The following SVEP1 variants were observed in gnomAD, a reference collection of about 807,000 sequenced individuals.
The protein encoded by SVEP1 is sushi, von Willebrand factor type A, EGF and pentraxin domain containing 1, also known as sushi, von Willebrand factor type A, EGF and pentraxin domain-containing protein 1.
SVEP1 carries 164 observed loss-of-function variants against 367.3 expected under a neutral mutation model. That is an observed-to-expected ratio of 0.45 (90% CI 0.39 to 0.51). SVEP1 has a LOEUF of 0.51. SVEP1 is among the 20% of genes least tolerant of loss of function. The pLI is 0.00. For synonymous variants in SVEP1, 1,666 were observed against 1,611.6 expected, an observed-to-expected ratio of 1.03 and a Z score of -0.81; for missense variants, 4,117 against 4,425.3, an observed-to-expected ratio of 0.93 and a Z score of 1.98.
At chr9:110,454,713 A>T (rs1828750638) in intron 22 of SVEP1, among the ~76,000 whole-genome samples, 1 of 152,240 alleles carries the variant, frequency 6.6e-6, no homozygotes, top group Non-Finnish European at 1.5e-5. Flanking sequence ...CAGGAACAGA[A>T]AGCCAAATAC....
chr9:110,442,954 T>G (rs1387433376), intron 27 of SVEP1: 1 of 152,182 alleles, frequency 6.6e-6, no homozygotes, highest in African/African-American at 2.4e-5. Context: ...TTAATTTTCT[T>G]TTAGTATACC....
At chr9:110,423,049 A>C (rs911978170) in intron 36 of SVEP1, among the ~76,000 whole-genome samples, 28 of 138,294 alleles carry the variant, frequency 2.0e-4, no homozygotes, top group African/African-American at 7.8e-4. Context: ...GCAGCGCACC[A>C]GCATGGCACA....
At chr9:110,397,047 G>A (rs145327269) in intron 40 of SVEP1, among the ~76,000 whole-genome samples, 18,093 of 151,172 alleles carry the variant, frequency 0.12, 1,121 homozygotes, top group African/African-American at 0.13. Context: ...CCAAAAAAGA[G>A]AATTTTAGAT....
In SVEP1 at chr9:110,482,342, G is replaced by A. The variant is rs1421205784; in HGVS notation, c.2170+19C>T. 1.2e-6 allele frequency: 2 copies of A among 1,604,776 alleles called. No homozygotes were observed. The highest frequency in any genetic ancestry group is 1.7e-5 in the Admixed American group (1 of 59,094). Reference sequence around the variant, plus strand: ...TGTCAAATGTCAACTAGAATTCTGGGGACTTATGAAGACAATACCTTTTAT... The same window carrying A: ...TGTCAAATGTCAACTAGAATTCTGGAGACTTATGAAGACAATACCTTTTAT... On this transcript the variant is annotated intron_variant, in intron 11 of 47. Transcript: ENST00000374469.
chr9:110,390,446 T>G (rs4427242), intron 40 of SVEP1, among the ~76,000 whole-genome samples: 56,706 of 143,798 alleles, frequency 0.39, 11,582 homozygotes, highest in East Asian at 0.49. Flanking sequence ...AACACTTAGG[T>G]TGACTCCATA....
intron 36 of SVEP1, among the ~76,000 whole-genome samples, 172 bp from the exon 37 acceptor site, chr9:110,411,907 T>C (rs1828050350): frequency 6.6e-6 from 1 of 152,258 alleles, no homozygotes; most frequent in African/African-American, 2.4e-5. Context: ...ACTTGAGATA[T>C]GTCAATACAT....
In SVEP1 at chr9:110,406,223, G is replaced by A. The variant is rs376942718; in HGVS notation, c.9377C>T (p.Pro3126Leu). ...VCEPLSCGSP[P>L]SVANAVATGE... The stretch of plus-strand genomic sequence containing the variant: ...AGTTGCCACTGCATTGGCGACAGAC[G>A]GTGGGGACCCACAGGACAAGGGCTC... The change falls in exon 38 of 48, where the codon CCG becomes CTG. Residue 3126 changes from proline (P) to leucine (L), a missense_variant. Physicochemically the swap from Pro to Leu is moderately conservative, Grantham distance 98. Around this residue, in one of 4 missense-constraint regions of SVEP1, gnomAD observed 1,765 missense variants for 1,781.1 expected, o/e 0.99. Coordinates refer to ENST00000374469, the MANE Select transcript of SVEP1 (RefSeq NM_153366.4). The A allele has an allele frequency of 2.5e-5, 40 of 1,611,126 alleles. No homozygotes were observed. Among genetic ancestry groups the A allele is most frequent in the Middle Eastern group, 1.6e-4 (1 of 6,062 alleles).
chr9:110,570,969 CCTTTT>C (rs1830555215), intron 1 of SVEP1, among the ~76,000 whole-genome samples: 1 of 135,330 alleles, frequency 7.4e-6, no homozygotes, highest in Non-Finnish European at 1.6e-5. Context: ...CCAGATGGCT[CCTTTT>C]TTTTTTTTTT....
chr9:110,458,808 CA>C, intron 19 of SVEP1, 143 bp downstream of exon 19: 1 of 1,071,664 alleles, frequency 9.3e-7, no homozygotes, highest in Non-Finnish European at 1.3e-6. Flanking sequence ...TCATGGTCAT[CA>C]AAAATACCTC....
At chr9:110,389,049 C>T (rs906737605) in intron 41 of SVEP1, among the ~76,000 whole-genome samples, 12 of 152,146 alleles carry the variant, frequency 7.9e-5, no homozygotes, top group African/African-American at 2.9e-4. Context: ...AAGTTATGTG[C>T]ATTAACCCAC....
intron 3 of SVEP1, among the ~76,000 whole-genome samples, chr9:110,544,064 G>A (rs1398053442): frequency 6.6e-6 from 1 of 151,970 alleles, no homozygotes; most frequent in Non-Finnish European, 1.5e-5. Flanking sequence ...ATCAAGGCCA[G>A]AGGAAGCAGG....
intron 3 of SVEP1, among the ~76,000 whole-genome samples, chr9:110,528,074 G>GTATATATA (rs35705480): frequency 7.4e-6 from 1 of 135,978 alleles, no homozygotes; most frequent in African/African-American, 2.7e-5. Context: ...CATGGTGTAT[G>GTATATATA]TATATATATA....
chr9:110,538,525 G>A (rs1394137015), intron 3 of SVEP1, among the ~76,000 whole-genome samples: 7 of 152,172 alleles, frequency 4.6e-5, no homozygotes, highest in Non-Finnish European at 1.0e-4. Flanking sequence ...GTGCAGGGTA[G>A]GAGTGGAGAT....
At chr9:110,399,137 T>C (rs140270918) in intron 40 of SVEP1, among the ~76,000 whole-genome samples, 8,967 of 152,084 alleles carry the variant, frequency 0.059, 358 homozygotes, top group African/African-American at 0.11. Flanking sequence ...AAATGTGGCA[T>C]ATATACACCA....
At chr9:110,534,861 T>C (rs1273139144) in intron 3 of SVEP1, among the ~76,000 whole-genome samples, 1 of 152,124 alleles carries the variant, frequency 6.6e-6, no homozygotes, top group East Asian at 1.9e-4. Flanking sequence ...CATGTTTTAA[T>C]GGGGTTGCTT....
chr9:110,483,676 T>C lies in SVEP1; in HGVS notation c.1948A>G (p.Ile650Val), dbSNP rs1259675881. The change falls in exon 10 of 48, where the codon ATA (isoleucine) becomes GTA (valine). Residue 650 changes from isoleucine (I) to valine (V), a missense_variant. Physicochemically the swap from Ile to Val is conservative, Grantham distance 29 (BLOSUM62 3). This residue lies in a region of SVEP1 where 2,174 missense variants were observed against 2,494.3 expected (regional missense o/e 0.87). Coordinates refer to ENST00000374469, the MANE Select transcript of SVEP1 (RefSeq NM_153366.4). ...GGAGGTGGAGATCTGCACCAGTCTA[T>C]GACAGGTGGTTCTGCATCTGAAGAA... is the stretch of plus-strand genomic sequence containing the variant. ...IKVIDAEPPVIDWCRSPPPVQ... is the reference protein window; with the variant it reads ...IKVIDAEPPVVDWCRSPPPVQ... The C allele has an allele frequency of 4.4e-6, 7 of 1,601,768 alleles. No individual in the cohort carries two copies. The highest frequency in any genetic ancestry group is 1.7e-5 in the Admixed American group (1 of 58,030).
chr9:110,579,309 T>C lies in SVEP1; in HGVS notation c.235A>G (p.Ser79Gly), dbSNP rs1240232067. 3.2e-6 allele frequency: 5 copies of C among 1,565,210 alleles called. No individual in the cohort carries two copies. The highest frequency in any genetic ancestry group is 1.9e-5 in the Admixed American group (1 of 52,718). The change falls in exon 1 of 48, where the codon AGC (serine) becomes GGC (glycine). Residue 79 changes from serine to glycine, a missense_variant. Transcript: ENST00000374469. This position sits in a 1 kb window ranked among gnomAD's most constrained non-coding sequence, Gnocchi z 5.3. ...RRRVRLLRELSERLELVFLVD... is the reference protein window; with the variant it reads ...RRRVRLLRELGERLELVFLVD... ...AGGAAGACAAGCTCCAGGCGCTCGC[T>C]GAGCTCCCGCAGCAGCCGCACGCGT... is the stretch of plus-strand genomic sequence containing the variant.
At position 110,546,232 on chromosome 9, in the gene SVEP1, C is replaced by G; in HGVS notation, c.847G>C (p.Glu283Gln). 6.3e-7 allele frequency: 1 copy of G among 1,590,112 alleles called. No homozygotes were observed. ...DMVHCSYLCD[E>Q]GKDCCDRMGS... ...ATTCGGTCACAGCAGTCCTTGCCTT[C>G]ATCACAAAGATATGAGCAGTGGACC... The change falls in exon 3 of 48, where the codon GAA (glutamate) becomes CAA (glutamine). Residue 283 changes from glutamate (E) to glutamine (Q), a missense_variant. Physicochemically the swap from Glu to Gln is conservative, Grantham distance 29 (BLOSUM62 2). Transcript: ENST00000374469.
intron 7 of SVEP1, among the ~76,000 whole-genome samples, chr9:110,498,742 C>T (rs1460651557): frequency 6.6e-6 from 1 of 152,118 alleles, no homozygotes; most frequent in Non-Finnish European, 1.5e-5. Flanking sequence ...TCAGTCTCAC[C>T]TGCTTTATAT....
Sources: allele counts gnomAD v4.1 joint callset (sites outside exome capture counted in the v4.1 genomes callset), GRCh38; gene constraint gnomAD v4.1.1; regional missense constraint gnomAD v4.1.1; non-coding constraint Gnocchi (gnomAD v3.1); transcripts MANE v1.5; gene names NCBI Gene and HGNC (gene_info 2026-07-23, HGNC 2026-07-21).